PTPRK: variants seen among roughly 807,000 people sequenced by gnomAD.
PTPRK encodes protein tyrosine phosphatase receptor type K.
A neutral mutation model predicts 178.0 loss-of-function variants in PTPRK; 75 were observed. That is an observed-to-expected ratio of 0.42 (90% CI 0.35 to 0.51). The LOEUF (loss-of-function observed/expected upper bound fraction) is 0.51. PTPRK is among the 20% of genes least tolerant of loss of function. The pLI is 0.02. For synonymous variants in PTPRK, 637 were observed against 620.6 expected (o/e 1.03, Z -0.39); for missense variants, 1,441 against 1,797.8 (o/e 0.80, Z 3.59).
intron 3 of PTPRK, among the ~76,000 whole-genome samples, chr6:128,249,678 C>G (rs139441429): frequency 6.6e-6 from 1 of 152,080 alleles, no homozygotes; most frequent in Admixed American, 6.6e-5. Flanking sequence ...ACTATCCAGG[C>G]GCTTTCCACA....
At chr6:128,329,048 C>A (rs1584189738) in intron 2 of PTPRK, among the ~76,000 whole-genome samples, 1 of 152,028 alleles carries the variant, frequency 6.6e-6, no homozygotes, top group South Asian at 2.1e-4. Flanking sequence ...TATTGATAAG[C>A]AATTTTGACC....
rs567182053 is a variant in PTPRK at position 127,975,696 on chromosome 6, A to T, written c.3969+961T>A. ...TTTTATTAATATCTTTTTTTGGGGG[A>T]CGAAGTCTCGCTCTATACAGCCTGG... On this transcript the variant is annotated intron_variant, in intron 27 of 29. Coordinates refer to ENST00000368226, the MANE Select transcript of PTPRK (RefSeq NM_002844.4). Among the ~76,000 whole-genome samples, 10 of 151,590 alleles carry T rather than the reference A, an allele frequency of 6.6e-5. No homozygotes were observed. In the East Asian group the frequency reaches 1.9e-3, roughly 29 times the overall value.
At chr6:128,371,891 G>A (rs1364448571) in intron 2 of PTPRK, among the ~76,000 whole-genome samples, 1 of 144,302 alleles carries the variant, frequency 6.9e-6, no homozygotes, top group East Asian at 2.0e-4. Flanking sequence ...AAAAAAAAAA[G>A]AGAGAGAGAG....
At chr6:128,260,176 A>G (rs754662996) in intron 3 of PTPRK, among the ~76,000 whole-genome samples, 9 of 152,108 alleles carry the variant, frequency 5.9e-5, no homozygotes, top group Non-Finnish European at 1.2e-4. Context: ...GGCTTCCTAA[A>G]ATATATTTTT....
intron 1 of PTPRK, among the ~76,000 whole-genome samples, chr6:128,512,001 G>GA (rs1857265955): frequency 1.3e-5 from 2 of 152,036 alleles, no homozygotes; most frequent in African/African-American, 2.4e-5. Context: ...CAACATATAA[G>GA]AAAATAAATG....
chr6:127,991,224 G>T, intron 20 of PTPRK, 70 bp downstream of exon 20: 1 of 1,166,478 alleles, frequency 8.6e-7, no homozygotes, highest in Non-Finnish European at 1.2e-6. Flanking sequence ...ATTCTATTTT[G>T]AGTGTCTTAC....
At chr6:128,321,897 T>C (rs759938605) in intron 3 of PTPRK, 142 bp downstream of exon 3, 72 of 1,057,528 alleles carry the variant, frequency 6.8e-5, no homozygotes, top group Non-Finnish European at 9.1e-5. Context: ...TATCTATGTA[T>C]GACACTTCCC....
intron 3 of PTPRK, among the ~76,000 whole-genome samples, chr6:128,305,684 C>T (rs1410878657): frequency 6.6e-6 from 1 of 152,134 alleles, no homozygotes; most frequent in Non-Finnish European, 1.5e-5. Context: ...CTAAGTAAAA[C>T]TCAAATGTTT....
At chr6:128,005,771 T>A in intron 14 of PTPRK, among the ~76,000 whole-genome samples, 1 of 1,058 alleles carries the variant, frequency 9.5e-4, no homozygotes, top group East Asian at 0.038. Flanking sequence ...GTAAATAAAT[T>A]ATGTTTTTGG....
intron 1 of PTPRK, among the ~76,000 whole-genome samples, chr6:128,482,966 T>C (rs1562612686): frequency 1.3e-5 from 2 of 152,168 alleles, no homozygotes; most frequent in African/African-American, 4.8e-5. Context: ...CATTGTCCTT[T>C]TTTCTTAGCT....
intron 7 of PTPRK, among the ~76,000 whole-genome samples, chr6:128,148,492 T>C (rs945552251): frequency 6.6e-6 from 1 of 152,082 alleles, no homozygotes; most frequent in East Asian, 1.9e-4. Flanking sequence ...AATGGCTGGG[T>C]TGGGATTATT....
chr6:128,219,238 A>C, intron 5 of PTPRK, 142 bp from the exon 6 acceptor site: 1 of 760,400 alleles, frequency 1.3e-6, no homozygotes, highest in South Asian at 2.0e-5. Context: ...CAGGAAAAGA[A>C]TGTAAGTAAA....
At chr6:128,326,054 C>T (rs527439219) in intron 2 of PTPRK, among the ~76,000 whole-genome samples, 5 of 152,232 alleles carry the variant, frequency 3.3e-5, no homozygotes, top group African/African-American at 1.2e-4. Flanking sequence ...TAATTCTCAG[C>T]AAACTATCAC....
At chr6:128,257,983 T>C (rs558781632) in intron 3 of PTPRK, among the ~76,000 whole-genome samples, 1 of 152,170 alleles carries the variant, frequency 6.6e-6, no homozygotes, top group African/African-American at 2.4e-5. Context: ...AACTTTATTG[T>C]CATGGCTCAT....
chr6:128,109,125 T>A (rs1264284045), intron 7 of PTPRK, among the ~76,000 whole-genome samples: 1 of 152,210 alleles, frequency 6.6e-6, no homozygotes, highest in African/African-American at 2.4e-5. Flanking sequence ...TAATTTATAC[T>A]GTTAAAACAA....
chr6:128,156,316 TTGCTATAAAGAACTACC>T (rs1386425119), intron 7 of PTPRK, among the ~76,000 whole-genome samples: 1 of 151,936 alleles, frequency 6.6e-6, no homozygotes, highest in Non-Finnish European at 1.5e-5. Context: ...CATTCTCACA[TTGCTATAAAGAACTACC>T]TGAGACTCAG....
chr6:128,310,713 A>G (rs562350767), intron 3 of PTPRK, among the ~76,000 whole-genome samples: 1 of 152,324 alleles, frequency 6.6e-6, no homozygotes, highest in South Asian at 2.1e-4. Context: ...TCTTGGCTGT[A>G]TGCTGAGTGA....
chr6:128,340,637 C>G (rs1831539193), intron 2 of PTPRK: 1 of 277,244 alleles, frequency 3.6e-6, no homozygotes, highest in Non-Finnish European at 6.9e-6. Flanking sequence ...CATAAGTTTA[C>G]TCATACAACA....
chr6:128,409,668 T>A (rs1372201625), intron 1 of PTPRK, among the ~76,000 whole-genome samples: 1 of 152,190 alleles, frequency 6.6e-6, no homozygotes, highest in Non-Finnish European at 1.5e-5. Flanking sequence ...CAACCAAATC[T>A]CATTTTGAAT....
Sources: gnomAD v4.1 joint callset for allele counts (sites outside exome capture counted in the v4.1 genomes callset) on GRCh38, gnomAD v4.1.1 for gene constraint, MANE v1.5 for transcripts, NCBI Gene and HGNC (gene_info 2026-07-23, HGNC 2026-07-21) for gene names.